STAT3: variants seen among roughly 807,000 people sequenced by gnomAD.
STAT3 encodes signal transducer and activator of transcription 3.
In STAT3, 7 loss-of-function variants were observed where a neutral mutation model predicts 114.3. The observed-to-expected ratio is 0.06, with a 90% CI of 0.03 to 0.11. STAT3 has a LOEUF of 0.11. STAT3 is among the 10% of genes least tolerant of loss of function. STAT3 has a pLI of 1.00. For missense variants in STAT3, 364 were observed against 960.9 expected (o/e 0.38, Z 8.21); for synonymous variants, 331 against 354.5 (o/e 0.93, Z 0.74).
Position 42,350,920 on chromosome 17 carries a change from C to T in STAT3, c.-23-2381G>A, listed in dbSNP as rs372341295. The stretch of plus-strand genomic sequence containing the variant: ...GGCCAAGGCAGGCGGATCATGAGGT[C>T]AGGAGATCGAGACCATCCTGGCCAA... On this transcript the variant is annotated intron_variant, in intron 1 of 23. Coordinates refer to ENST00000264657, the MANE Select transcript of STAT3 (RefSeq NM_139276.3). 2.4e-4 allele frequency among the ~76,000 whole-genome samples: 36 copies of T among 152,162 alleles called. No individual in the cohort carries two copies. The South Asian group carries it at 6.8e-3, about 29-fold the overall frequency.
intron 10 of STAT3, among the ~76,000 whole-genome samples, chr17:42,331,929 CTT>C (rs1260791863): frequency 4.0e-5 from 6 of 150,876 alleles, no homozygotes; most frequent in East Asian, 2.0e-4. Context: ...TCCTATCTCT[CTT>C]TCTCTTTTTT....
chr17:42,384,133 T>TA (rs1491311237), intron 1 of STAT3, among the ~76,000 whole-genome samples: 50 of 24,222 alleles, frequency 2.1e-3, no homozygotes, highest in Admixed American at 9.4e-3. Flanking sequence ...TATTTATTTA[T>TA]TTTTTTTTTT....
chr17:42,364,464 T>C (rs2083675484), intron 1 of STAT3, among the ~76,000 whole-genome samples: 1 of 152,214 alleles, frequency 6.6e-6, no homozygotes. Flanking sequence ...GGTACTGTTA[T>C]CTTTGGCCAA....
intron 1 of STAT3, 147 bp from the exon 2 acceptor site, chr17:42,348,686 T>G: frequency 1.0e-6 from 1 of 987,854 alleles, no homozygotes; most frequent in Non-Finnish European, 1.5e-6. Context: ...CCCAGTTTAT[T>G]TTATTTTTAA....
rs780349523 is a variant in STAT3, at chr17:42,315,829, C to T, written c.2258-29G>A. 11 of 1,613,902 alleles carry T rather than the reference C, an allele frequency of 6.8e-6. No homozygotes were observed. The Admixed American group carries it at 1.5e-4, about 22-fold the overall frequency. ...GAGGGACAGACAGGGAAAACTAGTT[C>T]AGTTGTCCACCCTCTGCAACTGGCA... On this transcript the variant is annotated intron_variant, in intron 23 of 23. Coordinates refer to ENST00000264657, the MANE Select transcript of STAT3 (RefSeq NM_139276.3).
chr17:42,345,776 G>A (rs2082670753), intron 3 of STAT3, 119 bp from the exon 4 acceptor site: 17 of 1,026,948 alleles, frequency 1.7e-5, no homozygotes, highest in East Asian at 1.0e-4. Context: ...AGGAAACAAC[G>A]GAACAAAGGC....
rs2144873712 is a variant in STAT3, at chr17:42,337,520, C to T, written c.712G>A (p.Glu238Lys). The change falls in exon 8 of 24, where the codon GAG becomes AAG. Residue 238 changes from glutamate to lysine, a missense_variant. Around this residue, in one of 5 missense-constraint regions of STAT3, gnomAD observed 294 missense variants for 745.1 expected, o/e 0.39. Coordinates refer to ENST00000264657, the MANE Select transcript of STAT3 (RefSeq NM_139276.3). This position sits in a 1 kb window ranked among gnomAD's most constrained non-coding sequence, Gnocchi z 4.0. ...MEYVQKTLTDEELADWKRRQQ... is the reference protein window; with the variant it reads ...MEYVQKTLTDKELADWKRRQQ... Reference sequence around the variant, plus strand: ...CGCCTCTTCCAGTCAGCCAGCTCCTCGTCCGTGAGAGTTTTCTGCACGTAC... The same window carrying T: ...CGCCTCTTCCAGTCAGCCAGCTCCTTGTCCGTGAGAGTTTTCTGCACGTAC... 1.9e-6 allele frequency: 3 copies of T among 1,614,202 alleles called. No individual in the cohort carries two copies. The highest frequency in any genetic ancestry group is 2.5e-6 in the Non-Finnish European group (3 of 1,180,040).
At chr17:42,335,997 T>C (rs2082215297) in intron 8 of STAT3, among the ~76,000 whole-genome samples, 1 of 152,216 alleles carries the variant, frequency 6.6e-6, no homozygotes, top group African/African-American at 2.4e-5. Flanking sequence ...CAGGGATTTC[T>C]GAACTCCTGA....
intron 6 of STAT3, among the ~76,000 whole-genome samples, 164 bp from the exon 7 acceptor site, chr17:42,338,021 G>T (rs1208751937): frequency 2.1e-4 from 2 of 9,388 alleles, no homozygotes; most frequent in South Asian, 5.8e-3. Context: ...GAATACTCCT[G>T]GACCTGAGGG....
chr17:42,335,004 T>C (rs563058414), intron 8 of STAT3, among the ~76,000 whole-genome samples: 1 of 152,342 alleles, frequency 6.6e-6, no homozygotes, highest in South Asian at 2.1e-4. Context: ...AAAGATGGGT[T>C]TGAGCCAGCT....
chr17:42,331,458 A>G lies in STAT3; in HGVS notation c.1109+14T>C, dbSNP rs2082007319. 4.4e-6 allele frequency: 7 copies of G among 1,608,786 alleles called. No individual in the cohort carries two copies. Among genetic ancestry groups the G allele is most frequent in the Non-Finnish European group, 6.0e-6 (7 of 1,175,406 alleles). Reference sequence around the variant, plus strand: ...TCCTCATTTGAAAAACAGAGCTAAGATAGGAGTACTTACTTGTCAATGCAC... The same window carrying G: ...TCCTCATTTGAAAAACAGAGCTAAGGTAGGAGTACTTACTTGTCAATGCAC... On this transcript the variant is annotated intron_variant, in intron 11 of 23. Coordinates refer to ENST00000264657, the MANE Select transcript of STAT3 (RefSeq NM_139276.3).
chr17:42,343,186 A>C (rs947012598), intron 4 of STAT3, among the ~76,000 whole-genome samples: 1 of 151,364 alleles, frequency 6.6e-6, no homozygotes, highest in African/African-American at 2.4e-5. Flanking sequence ...AAAAAAAAAA[A>C]ACAAAGGTTA....
In STAT3 at chr17:42,354,682, C is replaced by A. The variant is rs184883874; in HGVS notation, c.-23-6143G>T. Among the ~76,000 whole-genome samples, 674 of 151,032 alleles carry A rather than the reference C, an allele frequency of 4.5e-3. 1 individual carries two copies. The highest frequency in any genetic ancestry group is 8.2e-3 in the Non-Finnish European group (558 of 67,802). On this transcript the variant is annotated intron_variant, in intron 1 of 23. Transcript: ENST00000264657. ...ATTAGCCAGGCGTGGTGGTGGGCGC[C>A]TGTAGTCTCAGCTACTTGGGAGGCT...
rs1332900720 is a variant in STAT3, at chr17:42,348,537, CA to C, written c.-22del. ...GCCATCCTGCTAAAATCAGGGGTCC[CA>C]ACTGTAAACCAAAGTGTGCATATGT... On this transcript the variant is annotated splice_region_variant and 5_prime_UTR_variant, in exon 2 of 24. Coordinates refer to ENST00000264657, the MANE Select transcript of STAT3 (RefSeq NM_139276.3). 2.9e-5 allele frequency: 46 copies of C among 1,612,728 alleles called. No individual in the cohort carries two copies. Among genetic ancestry groups the C allele is most frequent in the Non-Finnish European group, 3.4e-5 (40 of 1,179,928 alleles).
In STAT3 at chr17:42,331,515, G is replaced by T. The variant is rs1456534236; in HGVS notation, c.1066C>A (p.Pro356Thr). 1.2e-6 allele frequency: 2 copies of T among 1,613,636 alleles called. No homozygotes were observed. The highest frequency in any genetic ancestry group is 2.7e-5 in the African/African-American group (2 of 74,850). Reference sequence around the variant, plus strand: ...ATTTTAAGCTGATAATTCAACTCAGGGAATTTGACCAGCAACCTATTTAAA... The same window carrying T: ...ATTTTAAGCTGATAATTCAACTCAGTGAATTTGACCAGCAACCTATTTAAA... ...TTKVRLLVKFPELNYQLKIKV... is the reference protein window; with the variant it reads ...TTKVRLLVKFTELNYQLKIKV... The change falls in exon 11 of 24, where the codon CCT becomes ACT. Residue 356 changes from proline to threonine, a missense_variant. Around this residue, in one of 5 missense-constraint regions of STAT3, gnomAD observed 294 missense variants for 745.1 expected, o/e 0.39. Coordinates refer to ENST00000264657, the MANE Select transcript of STAT3 (RefSeq NM_139276.3).
chr17:42,348,669 TC>T, intron 1 of STAT3, 130 bp from the exon 2 acceptor site: 1 of 1,032,170 alleles, frequency 9.7e-7, no homozygotes, highest in Non-Finnish European at 1.4e-6. Context: ...GGACCCTGCT[TC>T]TTTCTCCCAG....
At position 42,348,486 on chromosome 17, in the gene STAT3, C is replaced by T; in HGVS notation, c.31G>A (p.Asp11Asn). The T allele has an allele frequency of 1.2e-6, 2 of 1,613,912 alleles. No individual in the cohort carries two copies. The highest frequency in any genetic ancestry group is 1.7e-6 in the Non-Finnish European group (2 of 1,180,020). Residue 11 changes from aspartate to asparagine, a missense_variant, in exon 2 of 24, where the codon GAC becomes AAC. By Grantham distance (23) the Asp-to-Asn change is conservative. Around this residue, in one of 5 missense-constraint regions of STAT3, gnomAD observed 294 missense variants for 745.1 expected, o/e 0.39. Coordinates refer to ENST00000264657, the MANE Select transcript of STAT3 (RefSeq NM_139276.3). ...TGGAGCTGCTCCAGGTACCGTGTGT[C>T]AAGCTGCTGTAGCTGATTCCATTGG... MAQWNQLQQL[D>N]TRYLEQLHQL... is the part of the protein sequence containing the mutation.
chr17:42,380,773 G>A (rs1200696454), intron 1 of STAT3, among the ~76,000 whole-genome samples: 1 of 152,114 alleles, frequency 6.6e-6, no homozygotes, highest in Non-Finnish European at 1.5e-5. Flanking sequence ...ATTAGCTGAG[G>A]GTGGTAGCAC....
chr17:42,320,996 G>A (rs2081454083), intron 21 of STAT3, among the ~76,000 whole-genome samples: 1 of 151,790 alleles, frequency 6.6e-6, no homozygotes. Flanking sequence ...TATGTTGCCA[G>A]GCTGGTCTTG....
Sources: allele counts gnomAD v4.1 joint callset (sites outside exome capture counted in the v4.1 genomes callset), GRCh38; gene constraint gnomAD v4.1.1; regional missense constraint gnomAD v4.1.1; non-coding constraint Gnocchi (gnomAD v3.1); transcripts MANE v1.5; gene names NCBI Gene and HGNC (gene_info 2026-07-23, HGNC 2026-07-21).